MEGF10: variants seen among roughly 807,000 people sequenced by gnomAD.
The protein encoded by MEGF10 is multiple EGF like domains 10.
Under a neutral mutation model 147.5 loss-of-function variants are expected in MEGF10, and 86 were observed. The observed-to-expected ratio is 0.58, with a 90% CI of 0.49 to 0.70. The LOEUF (loss-of-function observed/expected upper bound fraction) is 0.70, where lower values mean the gene tolerates loss of function less well. Among genes scored for constraint, MEGF10 ranks in the 30% least tolerant of loss-of-function variants. The pLI, the probability that MEGF10 is intolerant of heterozygous loss-of-function variation, is 0.00. For missense variants in MEGF10, 1,329 were observed against 1,487.3 expected (o/e 0.89, Z 1.75); for synonymous variants, 478 against 525.5 (o/e 0.91, Z 1.24).
intron 5 of MEGF10, among the ~76,000 whole-genome samples, chr5:127,387,581 T>C (rs1763478953): frequency 6.6e-6 from 1 of 152,188 alleles, no homozygotes; most frequent in Non-Finnish European, 1.5e-5. Flanking sequence ...CATCACTTCT[T>C]TGGGGTGTTC....
chr5:127,392,074 A>C (rs945878600), intron 5 of MEGF10, among the ~76,000 whole-genome samples: 4 of 152,224 alleles, frequency 2.6e-5, no homozygotes, highest in Non-Finnish European at 5.9e-5. Context: ...TGCCATTTTC[A>C]GAGAGCATCT....
At chr5:127,453,423 G>A (rs1296401269) in intron 22 of MEGF10, among the ~76,000 whole-genome samples, 1 of 152,184 alleles carries the variant, frequency 6.6e-6, no homozygotes, top group African/African-American at 2.4e-5. Flanking sequence ...GAAGCAGAGG[G>A]TAGTATAATG....
Position 127,440,820 on chromosome 5 carries a change from G to C in MEGF10, c.2315G>C (p.Gly772Ala). 1.2e-6 allele frequency: 2 copies of C among 1,614,118 alleles called. No individual in the cohort carries two copies. Among genetic ancestry groups the C allele is most frequent in the African/African-American group, 1.3e-5 (1 of 75,046 alleles). The change falls in exon 18 of 25, where the codon GGG becomes GCG. Residue 772 changes from glycine (G) to alanine (A), a missense_variant. Coordinates refer to ENST00000503335, the MANE Select transcript of MEGF10 (RefSeq NM_001256545.2). The part of the protein sequence containing the change: ...QNGADCDHIS[G>A]QCTCRTGFMG... ...GGAGCTGACTGCGACCACATTTCTG[G>C]GCAGTGTACTTGCCGCACTGGATTC... is the stretch of plus-strand genomic sequence containing the variant.
intron 1 of MEGF10, among the ~76,000 whole-genome samples, chr5:127,303,746 T>C (rs540382917): frequency 6.6e-6 from 1 of 152,214 alleles, no homozygotes; most frequent in Non-Finnish European, 1.5e-5. Flanking sequence ...TATTAGAATG[T>C]AGTGGGGTAT....
chr5:127,331,797 A>C (rs1435226217), intron 2 of MEGF10, among the ~76,000 whole-genome samples: 3 of 152,168 alleles, frequency 2.0e-5, no homozygotes, highest in South Asian at 4.1e-4. Context: ...AGCATGAGAT[A>C]ATATACTAAA....
intron 13 of MEGF10, among the ~76,000 whole-genome samples, chr5:127,423,880 T>C (rs778222397): frequency 4.6e-5 from 7 of 152,200 alleles, no homozygotes; most frequent in Non-Finnish European, 7.3e-5. Flanking sequence ...TTTATTTTGA[T>C]GAAGTCTAGT....
chr5:127,247,412 A>AGAG, the MEGF10 span, among the ~76,000 whole-genome samples: 2 of 77,160 alleles, frequency 2.6e-5, no homozygotes, highest in East Asian at 2.9e-4. Context: ...AAGAAGAAGA[A>AGAG]GAAGAAGAAG....
intron 5 of MEGF10, among the ~76,000 whole-genome samples, chr5:127,376,796 C>T (rs1363484038): frequency 2.0e-5 from 3 of 152,078 alleles, no homozygotes; most frequent in Non-Finnish European, 4.4e-5. Context: ...GATGAGGAAA[C>T]GGAGGTGCAG....
intron 4 of MEGF10, among the ~76,000 whole-genome samples, chr5:127,362,196 T>G (rs1478241650): frequency 6.6e-6 from 1 of 152,034 alleles, no homozygotes; most frequent in Non-Finnish European, 1.5e-5. Context: ...TTAGGATTAT[T>G]ATTTCATTAT....
chr5:127,352,615 C>T (rs1002286812), intron 4 of MEGF10, among the ~76,000 whole-genome samples: 4 of 151,580 alleles, frequency 2.6e-5, no homozygotes, highest in South Asian at 4.2e-4. Flanking sequence ...GAGCCGGAGC[C>T]GAGATGGCGA....
At chr5:127,325,260 A>C (rs1427717940) in intron 1 of MEGF10, among the ~76,000 whole-genome samples, 1 of 152,152 alleles carries the variant, frequency 6.6e-6, no homozygotes, top group Non-Finnish European at 1.5e-5. Flanking sequence ...TTGGCAAATA[A>C]TCATATTTTG....
chr5:127,268,089 A>G, the MEGF10 span, among the ~76,000 whole-genome samples: 2 of 152,188 alleles, frequency 1.3e-5, no homozygotes, highest in Non-Finnish European at 2.9e-5. Flanking sequence ...ACACTACTTT[A>G]AATGTGTCCC....
At chr5:127,443,820 G>A (rs1765842240) in intron 19 of MEGF10, among the ~76,000 whole-genome samples, 3 of 152,078 alleles carry the variant, frequency 2.0e-5, no homozygotes, top group Admixed American at 1.3e-4. Context: ...ACTATAATTT[G>A]TTTACCTGTT....
At chr5:127,400,355 C>T (rs1764078784) in intron 7 of MEGF10, among the ~76,000 whole-genome samples, 2 of 152,266 alleles carry the variant, frequency 1.3e-5, no homozygotes, top group East Asian at 3.9e-4. Flanking sequence ...GTAGGCCTGG[C>T]AGAGTCAATG....
chr5:127,353,496 G>A (rs1009739593), intron 4 of MEGF10, among the ~76,000 whole-genome samples: 1 of 152,222 alleles, frequency 6.6e-6, no homozygotes, highest in Non-Finnish European at 1.5e-5. Context: ...CCAGAGAGAA[G>A]GCTGGCCATA....
At chr5:127,266,835 G>A in the MEGF10 span, among the ~76,000 whole-genome samples, 2 of 152,162 alleles carry the variant, frequency 1.3e-5, no homozygotes, top group Non-Finnish European at 2.9e-5. Context: ...AGACAATGGG[G>A]TTTTCTAGAT....
intron 18 of MEGF10, 47 bp downstream of exon 18, chr5:127,440,914 G>T (rs1406270421): frequency 2.5e-6 from 4 of 1,598,572 alleles, no homozygotes; most frequent in Non-Finnish European, 3.4e-6. Flanking sequence ...TTTTCCTCTA[G>T]AATCACATTT....
chr5:127,363,717 T>C (rs939529240), intron 4 of MEGF10, among the ~76,000 whole-genome samples: 3 of 152,150 alleles, frequency 2.0e-5, no homozygotes, highest in Admixed American at 2.0e-4. Flanking sequence ...TGCCCTTAAA[T>C]GACACGAAAG....
chr5:127,294,835 T>TAATAATAATAATAATAATAATAAA (rs56033520), intron 1 of MEGF10, among the ~76,000 whole-genome samples: 5 of 143,142 alleles, frequency 3.5e-5, no homozygotes, highest in South Asian at 2.2e-4. Flanking sequence ...ATAATAATAA[T>TAATAATAATAATAATAATAATAAA]AAATAACTTG....
Sources: gnomAD v4.1 joint callset for allele counts (sites outside exome capture counted in the v4.1 genomes callset) on GRCh38, gnomAD v4.1.1 for gene constraint, MANE v1.5 for transcripts, NCBI Gene and HGNC (gene_info 2026-07-23, HGNC 2026-07-21) for gene names.